ZNF782: variants seen among roughly 807,000 people sequenced by gnomAD.
The protein encoded by ZNF782 is zinc finger protein 782.
In ZNF782, 12 loss-of-function variants were observed where a neutral mutation model predicts 13.0. That is an observed-to-expected ratio of 0.92 (90% CI 0.59 to 1.50). The LOEUF (loss-of-function observed/expected upper bound fraction) is 1.50. ZNF782 is among the 40% of genes most tolerant of loss of function. The probability of loss-of-function intolerance (pLI) is 0.00; values close to 1 mark genes in which losing one functional copy is unlikely to be tolerated. For missense variants in ZNF782, 770 were observed against 822.9 expected (o/e 0.94, Z 0.79); for synonymous variants, 284 against 283.0 (o/e 1.00, Z -0.04).
the ZNF782 span, among the ~76,000 whole-genome samples, chr9:96,910,561 C>T: frequency 2.8e-5 from 3 of 108,644 alleles, no homozygotes; most frequent in African/African-American, 7.3e-5. Flanking sequence ...ACACACTCTC[C>T]ACCACCCAAC....
chr9:96,861,473 T>G (rs749055047), intron 2 of ZNF782: 3 of 153,756 alleles, frequency 2.0e-5, no homozygotes, highest in Non-Finnish European at 2.9e-5. Flanking sequence ...TAGCAAGGCA[T>G]GGGGGCATGT....
chr9:96,888,769 G>T, the ZNF782 span: 1 of 152,196 alleles, frequency 6.6e-6, no homozygotes, highest in African/African-American at 2.4e-5. Context: ...TCGGGCGCAT[G>T]GTAAGCACTG....
rs1265681785 is a variant in ZNF782 at position 96,850,811 on chromosome 9, A to G, written c.15+1136T>C. ...TACATAAAATAAAATGTAAAAGTAA[A>G]ATGTTCAGAATCTTAGTTGAAAATT... On this transcript the variant is annotated intron_variant, in intron 3 of 5. Coordinates refer to ENST00000481138, the MANE Select transcript of ZNF782 (RefSeq NM_001001662.3). This position sits in a 1 kb window ranked among gnomAD's most constrained non-coding sequence, Gnocchi z 4.3. 6.6e-6 allele frequency among the ~76,000 whole-genome samples: 1 copy of G among 152,180 alleles called. No homozygotes were observed. Among genetic ancestry groups the G allele is most frequent in the African/African-American group, 2.4e-5 (1 of 41,452 alleles).
chr9:96,856,856 C>T (rs957993515), upstream of ZNF782, among the ~76,000 whole-genome samples: 1 of 152,132 alleles, frequency 6.6e-6, no homozygotes, highest in African/African-American at 2.4e-5. Flanking sequence ...ATGATGTGAT[C>T]ATGAAGATGT....
At chr9:96,891,701 G>C in the ZNF782 span, 2 of 151,924 alleles carry the variant, frequency 1.3e-5, no homozygotes, top group Non-Finnish European at 2.9e-5. Flanking sequence ...TGGGATTACA[G>C]GTGCCCACCA....
At chr9:96,871,075 T>A (rs1351774485) in intron 1 of ZNF782, among the ~76,000 whole-genome samples, 1 of 152,164 alleles carries the variant, frequency 6.6e-6, no homozygotes, top group Non-Finnish European at 1.5e-5. Context: ...TCTTATTTTT[T>A]AAATAAAGGT....
chr9:96,931,785 C>G, the ZNF782 span: 6 of 1,611,708 alleles, frequency 3.7e-6, no homozygotes, highest in Non-Finnish European at 5.1e-6. Context: ...GTGTTCACGG[C>G]TCTGCCCTTT....
rs767004717 is a variant in ZNF782 at position 96,818,393 on chromosome 9, C to T, written c.1630G>A (p.Gly544Ser). 2.2e-5 allele frequency: 35 copies of T among 1,611,880 alleles called. No homozygotes were observed. Among genetic ancestry groups the T allele is most frequent in the East Asian group, 1.1e-4 (5 of 44,668 alleles). ...YKCNQCGKAF[G>S]QKSQLRGHHR... is the part of the protein sequence containing the mutation. ...TGTCCTCTGAGTTGTGATTTCTGAC[C>T]GAAAGCTTTTCCACACTGATTACAT... The change falls in exon 6 of 6, where the codon GGT becomes AGT. Residue 544 changes from glycine to serine, a missense_variant. Transcript: ENST00000481138.
chr9:96,818,156 A>T lies in ZNF782; in HGVS notation c.1867T>A (p.Cys623Ser). The part of the protein sequence containing the change: ...TGEKPYECNE[C>S]GKAFSEKSVL... ...GACTTCTCACTGAAAGCTTTTCCAC[A>T]TTCATTACATTCATAGGGCTTCTCC... Residue 623 changes from cysteine (C) to serine (S), a missense_variant, in exon 6 of 6, where the codon TGT becomes AGT. Physicochemically the swap from Cys to Ser is moderately radical, Grantham distance 112 (BLOSUM62 -1). Transcript: ENST00000481138. The T allele has an allele frequency of 6.2e-7, 1 of 1,614,038 alleles. No homozygotes were observed. The highest frequency in any genetic ancestry group is 8.5e-7 in the Non-Finnish European group (1 of 1,179,990).
chr9:96,887,316 AG>A, the ZNF782 span: 19 of 148,890 alleles, frequency 1.3e-4, no homozygotes, highest in African/African-American at 4.9e-4. Context: ...GAAGGAAGGA[AG>A]GAAGGAAGGA....
intron 4 of ZNF782, 102 bp downstream of exon 4, chr9:96,844,788 A>G: frequency 6.5e-7 from 1 of 1,544,346 alleles, no homozygotes; most frequent in Non-Finnish European, 8.9e-7. Context: ...GAAAACCAGA[A>G]TTGCACTGTA....
intron 1 of ZNF782, among the ~76,000 whole-genome samples, chr9:96,869,597 AATG>A (rs1324131366): frequency 2.6e-4 from 40 of 152,346 alleles, no homozygotes; most frequent in African/African-American, 9.4e-4. Flanking sequence ...TTCTACCGGA[AATG>A]ATAACTTTTA....
intron 4 of ZNF782, among the ~76,000 whole-genome samples, chr9:96,834,500 A>C (rs1454706917): frequency 2.0e-5 from 3 of 151,916 alleles, no homozygotes; most frequent in African/African-American, 7.3e-5. Flanking sequence ...CTCTCACAGG[A>C]ATGTACTAGT....
intron 3 of ZNF782, among the ~76,000 whole-genome samples, chr9:96,845,611 G>A (rs1851322241): frequency 6.6e-6 from 1 of 152,130 alleles, no homozygotes. Context: ...TCGTGCAGCT[G>A]TACACAGAGA....
chr9:96,860,731 T>C (rs1228297559), intron 2 of ZNF782, among the ~76,000 whole-genome samples: 1 of 152,102 alleles, frequency 6.6e-6, no homozygotes, highest in Non-Finnish European at 1.5e-5. Flanking sequence ...GGCACTGGCA[T>C]AAAAACAGAC....
chr9:96,857,779 T>G (rs1438201640), upstream of ZNF782, among the ~76,000 whole-genome samples: 2 of 152,250 alleles, frequency 1.3e-5, no homozygotes, highest in East Asian at 1.9e-4. Context: ...TTAAGAAATA[T>G]TTTTAAAGGT....
At chr9:96,844,796 G>A in intron 4 of ZNF782, 94 bp downstream of exon 4, 1 of 1,573,072 alleles carries the variant, frequency 6.4e-7, no homozygotes, top group Non-Finnish European at 8.7e-7. Context: ...GAATTGCACT[G>A]TAGAGGGAGT....
At chr9:96,901,165 G>A in the ZNF782 span, among the ~76,000 whole-genome samples, 28 of 148,752 alleles carry the variant, frequency 1.9e-4, no homozygotes, top group Non-Finnish European at 3.1e-4. Flanking sequence ...GTCTCGGGGT[G>A]GAAAAAAAAA....
At chr9:96,873,876 T>A (rs1409171138) in intron 1 of ZNF782, among the ~76,000 whole-genome samples, 1 of 152,234 alleles carries the variant, frequency 6.6e-6, no homozygotes, top group African/African-American at 2.4e-5. Context: ...GTTTGGGGTA[T>A]GGAAACTAAG....
Sources: allele counts gnomAD v4.1 joint callset (sites outside exome capture counted in the v4.1 genomes callset), GRCh38; gene constraint gnomAD v4.1.1; non-coding constraint Gnocchi (gnomAD v3.1); transcripts MANE v1.5; gene names NCBI Gene and HGNC (gene_info 2026-07-23, HGNC 2026-07-21).